Variants in PDE10A observed in about 807,000 individuals in gnomAD.
PDE10A encodes the protein phosphodiesterase 10A, also known as cAMP and cAMP-inhibited cGMP 3',5'-cyclic phosphodiesterase 10A.
PDE10A carries 39 observed loss-of-function variants against 97.7 expected under a neutral mutation model. That is an observed-to-expected ratio of 0.40 (90% CI 0.31 to 0.52). PDE10A has a LOEUF of 0.52. PDE10A is among the 20% of genes least tolerant of loss of function. The pLI is 0.56. For synonymous variants in PDE10A, 371 were observed against 376.8 expected (o/e 0.98, Z 0.18); for missense variants, 731 against 1,047.8 (o/e 0.70, Z 4.17).
chr6:165,703,143 C>T (rs1015498239), intron 1 of PDE10A, among the ~76,000 whole-genome samples: 4 of 152,186 alleles, frequency 2.6e-5, no homozygotes, highest in Non-Finnish European at 4.4e-5. Context: ...TTGTTTGCAG[C>T]CTCATAAATA....
chr6:165,491,088 A>C (rs1297705468), intron 2 of PDE10A, among the ~76,000 whole-genome samples: 6 of 152,232 alleles, frequency 3.9e-5, no homozygotes, highest in Non-Finnish European at 4.4e-5. Flanking sequence ...CACTAAAAGC[A>C]AGTGGCAGGA....
intron 2 of PDE10A, among the ~76,000 whole-genome samples, chr6:165,510,894 A>C (rs556512387): frequency 1.1e-4 from 17 of 151,512 alleles, no homozygotes; most frequent in Non-Finnish European, 2.2e-4. Context: ...TTCATTTATG[A>C]TTTTGTTTCT....
At chr6:165,544,052 C>A (rs564430591) in intron 1 of PDE10A, among the ~76,000 whole-genome samples, 2 of 152,134 alleles carry the variant, frequency 1.3e-5, no homozygotes, top group South Asian at 2.1e-4. Context: ...CTTATTTTTT[C>A]GGTATATAGT....
chr6:165,379,501 G>C lies in PDE10A; in HGVS notation c.2611-135C>G, dbSNP rs73030193. ...AATGAAAGGTTTTGGGGTAACTTTT[G>C]TTTTTTTTGAATAGTTAGAAATGAC... On this transcript the variant is annotated intron_variant, in intron 17 of 21. Transcript: ENST00000539869. 70 of 630,804 alleles carry C rather than the reference G, an allele frequency of 1.1e-4. 1 individual carries two copies. The highest frequency in any genetic ancestry group is 1.6e-4 in the Non-Finnish European group (64 of 398,708). 39.1% of individuals were successfully genotyped at this position (630,804 alleles called of 1,614,324 possible).
chr6:165,794,974 T>C (rs1778791489), intron 1 of PDE10A, among the ~76,000 whole-genome samples: 1 of 152,244 alleles, frequency 6.6e-6, no homozygotes, highest in Non-Finnish European at 1.5e-5. Context: ...TCAAATTATA[T>C]AGATACTCTA....
intron 1 of PDE10A, among the ~76,000 whole-genome samples, chr6:165,931,795 TCTC>T (rs749660229): frequency 4.6e-5 from 7 of 152,016 alleles, no homozygotes; most frequent in Non-Finnish European, 7.4e-5. Flanking sequence ...GACAGTCACT[TCTC>T]CTCCTTCCAA....
chr6:165,394,333 T>C lies in PDE10A; in HGVS notation c.2303+848A>G, dbSNP rs577812940. 2.5e-4 allele frequency among the ~76,000 whole-genome samples: 38 copies of C among 152,280 alleles called. No homozygotes were observed. The South Asian group carries it at 7.7e-3, about 31-fold the overall frequency. ...ACATGTTGTGTTTGGTTTTCTCTTC[T>C]TGTGTTAATATGCTGAGAATGATGG... On this transcript the variant is annotated intron_variant, in intron 15 of 21. Coordinates refer to ENST00000539869, the MANE Select transcript of PDE10A (RefSeq NM_001385079.1).
At position 165,728,873 on chromosome 6, in the gene PDE10A, C is replaced by T. The variant is rs111821664; in HGVS notation, c.-614-185305G>A. ...AGTTTTTGAGACTTTGCTTTACTGC[C>T]TAATTTATATTATGTAAGAGTTATA... is the stretch of plus-strand genomic sequence containing the variant. On this transcript the variant is annotated intron_variant, in intron 1 of 19. Coordinates refer to the PDE10A transcript ENST00000366882. Among the ~76,000 whole-genome samples the T allele has an allele frequency of 1.3e-5, 2 of 152,000 alleles. 1 individual carries two copies. The highest frequency in any genetic ancestry group is 4.2e-4 in the South Asian group (2 of 4,816).
intron 1 of PDE10A, among the ~76,000 whole-genome samples, chr6:165,770,987 G>A (rs6918584): frequency 0.05 from 7,678 of 152,196 alleles, 611 homozygotes; most frequent in African/African-American, 0.17. Context: ...ACCATTCCCC[G>A]GTGGGACGGA....
At chr6:165,963,881 A>G (rs1477692457) in intron 1 of PDE10A, among the ~76,000 whole-genome samples, 1 of 152,194 alleles carries the variant, frequency 6.6e-6, no homozygotes, top group Non-Finnish European at 1.5e-5. Flanking sequence ...CTCACCTGCC[A>G]AACTCTGACT....
At chr6:165,539,739 G>A (rs1219643239) in intron 2 of PDE10A, among the ~76,000 whole-genome samples, 1 of 151,256 alleles carries the variant, frequency 6.6e-6, no homozygotes, top group African/African-American at 2.5e-5. Flanking sequence ...TGGCCGACAC[G>A]TTGAAACTCT....
At chr6:165,953,671 C>T (rs144665757) in intron 1 of PDE10A, among the ~76,000 whole-genome samples, 188 of 152,302 alleles carry the variant, frequency 1.2e-3, no homozygotes, top group Admixed American at 1.3e-3. Context: ...AGAGTCCTCC[C>T]GTCCCCGGCA....
chr6:165,776,898 G>A (rs1562731229), intron 1 of PDE10A, among the ~76,000 whole-genome samples: 1 of 152,184 alleles, frequency 6.6e-6, no homozygotes, highest in South Asian at 2.1e-4. Context: ...GACTGAAATC[G>A]CCTGCCTGCT....
chr6:165,532,910 C>A (rs1019334485), intron 2 of PDE10A, among the ~76,000 whole-genome samples: 1 of 152,144 alleles, frequency 6.6e-6, no homozygotes. Flanking sequence ...TTCATATATT[C>A]TTTCACCACA....
At chr6:165,365,992 A>G (rs966718390) in intron 18 of PDE10A, among the ~76,000 whole-genome samples, 1 of 152,168 alleles carries the variant, frequency 6.6e-6, no homozygotes, top group African/African-American at 2.4e-5. Context: ...ATGGAAAAGT[A>G]CAGTTCAGGA....
In PDE10A at chr6:165,543,564, C is replaced by T. The variant is rs1783575615; in HGVS notation, c.870G>A (p.Leu290=). ...GATATGCCTTCACTTTTTCATCTGT[C>T]AAACCTGTAAAAGAATTGAAAAGAA... ...RLTECFLSPS[L]TDEKVKAYLS... is the part of the protein sequence containing the mutation. The change falls in exon 2 of 22, where the codon TTG becomes TTA. Residue 290 remains leucine, a synonymous_variant. Coordinates refer to ENST00000539869, the MANE Select transcript of PDE10A (RefSeq NM_001385079.1). 1.2e-6 allele frequency: 2 copies of T among 1,605,722 alleles called. No homozygotes were observed. The highest frequency in any genetic ancestry group is 2.2e-5 in the East Asian group (1 of 44,692).
intron 2 of PDE10A, among the ~76,000 whole-genome samples, chr6:165,494,535 TA>T (rs1444641443): frequency 1.1e-5 from 1 of 89,714 alleles, no homozygotes; most frequent in African/African-American, 5.8e-5. Context: ...TATATATATA[TA>T]TTTATTTATT....
intron 1 of PDE10A, among the ~76,000 whole-genome samples, chr6:165,770,190 T>C (rs915559068): frequency 3.4e-5 from 5 of 147,364 alleles, no homozygotes; most frequent in Non-Finnish European, 7.4e-5. Context: ...GAGTTAGGTC[T>C]TCTCAGGACT....
chr6:165,904,252 G>A (rs1460396767), intron 1 of PDE10A, among the ~76,000 whole-genome samples: 3 of 152,170 alleles, frequency 2.0e-5, no homozygotes, highest in African/African-American at 7.2e-5. Flanking sequence ...ATCCGAAGCA[G>A]CAGTGGAGGG....
Sources: gnomAD v4.1 joint callset for allele counts (sites outside exome capture counted in the v4.1 genomes callset) on GRCh38, gnomAD v4.1.1 for gene constraint, MANE v1.5 for transcripts, NCBI Gene and HGNC (gene_info 2026-07-23, HGNC 2026-07-21) for gene names.